The following CPPED1 variants were observed in gnomAD, a reference collection of about 807,000 sequenced individuals.
CPPED1 encodes calcineurin like phosphoesterase domain containing 1.
A neutral mutation model predicts 28.0 loss-of-function variants in CPPED1; 28 were observed. The observed-to-expected ratio is 1.00, with a 90% CI of 0.74 to 1.37. The LOEUF (loss-of-function observed/expected upper bound fraction) is 1.37. Ranked by LOEUF, CPPED1 falls within the 40% of genes most tolerant of loss-of-function variation. The probability of loss-of-function intolerance (pLI) is 0.00; values close to 1 mark genes in which losing one functional copy is unlikely to be tolerated. For missense variants in CPPED1, 504 were observed against 416.5 expected, an observed-to-expected ratio of 1.21 and a Z score of -1.83; for synonymous variants, 198 against 180.2, an observed-to-expected ratio of 1.10 and a Z score of -0.79.
chr16:12,755,539 T>C (rs2080360732), intron 2 of CPPED1, among the ~76,000 whole-genome samples: 1 of 152,032 alleles, frequency 6.6e-6, no homozygotes, highest in Non-Finnish European at 1.5e-5. Context: ...CACCTCAGCC[T>C]CTCAACATGC....
chr16:12,677,376 T>C (rs1009020373), intron 3 of CPPED1, among the ~76,000 whole-genome samples: 1 of 152,226 alleles, frequency 6.6e-6, no homozygotes, highest in African/African-American at 2.4e-5. Flanking sequence ...CGGTGGCTTA[T>C]GCCTGTAATC....
chr16:12,798,429 T>C (rs1280211566), intron 1 of CPPED1, among the ~76,000 whole-genome samples: 2 of 152,214 alleles, frequency 1.3e-5, no homozygotes, highest in Non-Finnish European at 2.9e-5. Context: ...TTGTTCAAAC[T>C]TGGAGATACC....
chr16:12,780,680 G>A (rs2080524960), intron 2 of CPPED1, among the ~76,000 whole-genome samples: 1 of 149,726 alleles, frequency 6.7e-6, no homozygotes, highest in Non-Finnish European at 1.5e-5. Flanking sequence ...AGCTGTACCT[G>A]CAACCCAGGT....
intron 3 of CPPED1, among the ~76,000 whole-genome samples, chr16:12,676,708 C>T (rs2079879594): frequency 6.6e-6 from 1 of 152,100 alleles, no homozygotes; most frequent in South Asian, 2.1e-4. Context: ...TCCTAGTTCT[C>T]TGCTCATGTC....
At chr16:12,783,633 T>C (rs534680617) in intron 1 of CPPED1, among the ~76,000 whole-genome samples, 7 of 152,288 alleles carry the variant, frequency 4.6e-5, no homozygotes, top group Admixed American at 4.6e-4. Context: ...ATGGCCACTT[T>C]CCCACCCATC....
intron 3 of CPPED1, among the ~76,000 whole-genome samples, chr16:12,677,914 G>C (rs576626183): frequency 2.6e-5 from 4 of 152,168 alleles, no homozygotes; most frequent in Admixed American, 6.5e-5. Context: ...TCTCTGTCAC[G>C]ACTACTCAAC....
At chr16:12,790,017 T>A (rs1016418279) in intron 1 of CPPED1, among the ~76,000 whole-genome samples, 4 of 152,088 alleles carry the variant, frequency 2.6e-5, no homozygotes, top group Non-Finnish European at 5.9e-5. Context: ...AAATACACAG[T>A]GAATTTTGGG....
intron 2 of CPPED1, among the ~76,000 whole-genome samples, chr16:12,756,788 C>T (rs2080372168): frequency 6.6e-6 from 1 of 152,138 alleles, no homozygotes; most frequent in Non-Finnish European, 1.5e-5. Context: ...ATAAATCAGA[C>T]AAAACTAAGC....
intron 3 of CPPED1, among the ~76,000 whole-genome samples, chr16:12,701,083 G>C (rs1252762110): frequency 6.6e-6 from 1 of 152,044 alleles, no homozygotes; most frequent in Non-Finnish European, 1.5e-5. Flanking sequence ...AAAAAAATTA[G>C]CCAGGCATCG....
Position 12,664,577 on chromosome 16 carries a change from C to T in CPPED1, c.*309G>A. 8.5e-7 allele frequency: 1 copy of T among 1,174,754 alleles called. No individual in the cohort carries two copies. The highest frequency in any genetic ancestry group is 1.1e-6 in the Non-Finnish European group (1 of 950,358). 72.8% of individuals were successfully genotyped at this position (1,174,754 alleles called of 1,614,324 possible). ...CTTTGACCATATGCTAACCAGAATA[C>T]AATCCAATTCAAAAGTGGAGTTGAG... On this transcript the variant is annotated 3_prime_UTR_variant, in exon 4 of 4. Coordinates refer to ENST00000381774, the MANE Select transcript of CPPED1 (RefSeq NM_018340.3). The surrounding 1 kb of genome is among the most constrained non-coding windows in gnomAD (Gnocchi z 4.2).
intron 1 of CPPED1, among the ~76,000 whole-genome samples, chr16:12,796,689 T>C (rs903901198): frequency 6.6e-6 from 1 of 152,138 alleles, no homozygotes; most frequent in South Asian, 2.1e-4. Flanking sequence ...ATATTAAACA[T>C]AGTTACCGTA....
At chr16:12,718,538 TAAAAAA>T (rs61306353) in intron 2 of CPPED1, among the ~76,000 whole-genome samples, 5 of 117,784 alleles carry the variant, frequency 4.2e-5, no homozygotes, top group African/African-American at 1.6e-4. Context: ...GACTCTGTCT[TAAAAAA>T]AAAAAAAAAA....
intron 1 of CPPED1, among the ~76,000 whole-genome samples, chr16:12,784,666 CT>C (rs2080552398): frequency 6.6e-6 from 1 of 151,984 alleles, no homozygotes. Context: ...TGTGTTTCTA[CT>C]TTTGAGGCTG....
chr16:12,740,857 G>A (rs2080251718), intron 2 of CPPED1, among the ~76,000 whole-genome samples: 1 of 152,274 alleles, frequency 6.6e-6, no homozygotes, highest in South Asian at 2.1e-4. Flanking sequence ...GGTGCTGCTG[G>A]GCTGCTGCAC....
At chr16:12,729,732 A>T (rs1444191744) in intron 2 of CPPED1, among the ~76,000 whole-genome samples, 4 of 152,236 alleles carry the variant, frequency 2.6e-5, no homozygotes, top group Non-Finnish European at 5.9e-5. Flanking sequence ...GATTGAAAAC[A>T]CATTCAGCTT....
chr16:12,713,319 A>C (rs1225276419), intron 2 of CPPED1, among the ~76,000 whole-genome samples: 1 of 152,168 alleles, frequency 6.6e-6, no homozygotes, highest in Non-Finnish European at 1.5e-5. Flanking sequence ...AATAGCATCA[A>C]AGGAGAAGGT....
intron 3 of CPPED1, among the ~76,000 whole-genome samples, chr16:12,691,720 C>T (rs1168531460): frequency 6.7e-6 from 1 of 149,366 alleles, no homozygotes; most frequent in African/African-American, 2.5e-5. Context: ...GGACAAAAGA[C>T]CAAACACCGC....
rs2079792205 is a variant in CPPED1 at position 12,661,198 on chromosome 16, AACT to A, written c.*3685_*3687del. ...CATTGGAATACAGACTGTAATATTA[AACT>A]ACTATGTGTATATTGTTTCTACAGT... On this transcript the variant is annotated 3_prime_UTR_variant, in exon 4 of 4. Transcript: ENST00000381774. 6.6e-6 allele frequency: 1 copy of A among 152,214 alleles called. No homozygotes were observed. The highest frequency in any genetic ancestry group is 6.5e-5 in the Admixed American group (1 of 15,282). 9.4% of individuals were successfully genotyped at this position (152,214 alleles called of 1,614,324 possible). A position where few individuals can be genotyped will look rare whatever the true frequency, so the allele number is the denominator to read the frequency against.
chr16:12,679,304 C>G (rs1255045176), intron 3 of CPPED1, among the ~76,000 whole-genome samples: 2 of 152,140 alleles, frequency 1.3e-5, no homozygotes, highest in South Asian at 4.1e-4. Context: ...TTTTACTATT[C>G]CTTTTCTTGC....
Sources: gnomAD v4.1 joint callset for allele counts (sites outside exome capture counted in the v4.1 genomes callset) on GRCh38, gnomAD v4.1.1 for gene constraint, Gnocchi (gnomAD v3.1) non-coding constraint, MANE v1.5 for transcripts, NCBI Gene and HGNC (gene_info 2026-07-23, HGNC 2026-07-21) for gene names.